The following VPS13B variants were observed in gnomAD, a reference collection of about 807,000 sequenced individuals.
VPS13B encodes the protein vacuolar protein sorting 13 homolog B.
A neutral mutation model predicts 426.4 loss-of-function variants in VPS13B; 285 were observed. That is an observed-to-expected ratio of 0.67 (90% CI 0.61 to 0.74). The LOEUF (loss-of-function observed/expected upper bound fraction) is 0.74, where lower values mean the gene tolerates loss of function less well. Among genes scored for constraint, VPS13B ranks in the 30% least tolerant of loss-of-function variants. The pLI, the probability that VPS13B is intolerant of heterozygous loss-of-function variation, is 0.00. For synonymous variants in VPS13B, 1,676 were observed against 1,676.4 expected (o/e 1.00, Z 0.01); for missense variants, 4,537 against 4,782.6 (o/e 0.95, Z 1.51).
At chr8:99,208,829 A>G (rs1482540438) in intron 17 of VPS13B, among the ~76,000 whole-genome samples, 1 of 152,226 alleles carries the variant, frequency 6.6e-6, no homozygotes, top group Non-Finnish European at 1.5e-5. Context: ...CCATATTTTC[A>G]TTAATCTCTT....
intron 39 of VPS13B, among the ~76,000 whole-genome samples, chr8:99,734,692 C>T (rs1244586897): frequency 6.6e-6 from 1 of 152,114 alleles, no homozygotes; most frequent in Non-Finnish European, 1.5e-5. Context: ...AAGGATGAAT[C>T]AGGACATACT....
In VPS13B at chr8:99,058,987, A is replaced by G. The variant is rs533039317; in HGVS notation, c.291+20421A>G. ...ATAGTACATTGTGTGTAAACCACAT[A>G]GAAAATTACCATTTTAGTACTTATT... On this transcript the variant is annotated intron_variant, in intron 3 of 61. Transcript: ENST00000357162. Among the ~76,000 whole-genome samples, 9 of 152,376 alleles carry G rather than the reference A, an allele frequency of 5.9e-5. No individual in the cohort carries two copies. The South Asian group carries it at 1.7e-3, about 28-fold the overall frequency.
chr8:99,538,727 TAAAG>T (rs996624242), intron 30 of VPS13B, among the ~76,000 whole-genome samples: 3 of 152,232 alleles, frequency 2.0e-5, no homozygotes, highest in Non-Finnish European at 1.5e-5. Flanking sequence ...CCTCCATGCA[TAAAG>T]AATCAATTTT....
chr8:99,307,134 C>T (rs1353165378), intron 19 of VPS13B, among the ~76,000 whole-genome samples: 7 of 151,968 alleles, frequency 4.6e-5, no homozygotes, highest in Admixed American at 3.9e-4. Context: ...CAAAATTCAC[C>T]TGTTGTTTTA....
intron 30 of VPS13B, among the ~76,000 whole-genome samples, chr8:99,544,749 G>A (rs1191562921): frequency 6.6e-6 from 1 of 152,066 alleles, no homozygotes; most frequent in East Asian, 1.9e-4. Context: ...TACACAAGAG[G>A]TTTATATCAA....
chr8:99,681,075 T>C (rs1397328198), intron 35 of VPS13B, among the ~76,000 whole-genome samples: 2 of 152,228 alleles, frequency 1.3e-5, no homozygotes, highest in East Asian at 1.9e-4. Context: ...ATTATCAGAC[T>C]GAAAATATTT....
At chr8:99,790,411 T>C (rs1331359801) in intron 43 of VPS13B, among the ~76,000 whole-genome samples, 1 of 152,208 alleles carries the variant, frequency 6.6e-6, no homozygotes, top group Non-Finnish European at 1.5e-5. Flanking sequence ...TATATTTTCA[T>C]GTATTACTTA....
chr8:99,090,490 G>A (rs1389292935), intron 3 of VPS13B, among the ~76,000 whole-genome samples: 4 of 152,000 alleles, frequency 2.6e-5, no homozygotes, highest in South Asian at 2.1e-4. Flanking sequence ...CACTGGTCTC[G>A]AACTCCTAAC....
chr8:99,026,972 G>A (rs1842172921), intron 2 of VPS13B, among the ~76,000 whole-genome samples: 1 of 152,020 alleles, frequency 6.6e-6, no homozygotes, highest in Non-Finnish European at 1.5e-5. Flanking sequence ...TGCCTCCCAG[G>A]TTCAAGTGAT....
In VPS13B at chr8:99,859,377, C is replaced by T. The variant is rs781760595; in HGVS notation, c.10941C>T (p.Ala3647=). 1.8e-5 allele frequency: 29 copies of T among 1,614,136 alleles called. No individual in the cohort carries two copies. Among genetic ancestry groups the T allele is most frequent in the East Asian group, 6.7e-5 (3 of 44,870 alleles). Residue 3647 remains alanine, a synonymous_variant, in exon 57 of 62, where the codon GCC becomes GCT. Transcript: ENST00000357162. The part of the protein sequence containing the change: ...SLVRSIGNGV[A]DFFRLPYEGL... ...TGAGAAGCATCGGGAACGGGGTCGCCGACTTCTTCAGGCTTCCGTATGAGG... is the reference window on the plus strand; with the variant it reads ...TGAGAAGCATCGGGAACGGGGTCGCTGACTTCTTCAGGCTTCCGTATGAGG...
intron 17 of VPS13B, among the ~76,000 whole-genome samples, chr8:99,213,498 A>G (rs928112920): frequency 3.9e-5 from 6 of 152,048 alleles, no homozygotes; most frequent in African/African-American, 1.4e-4. Flanking sequence ...TGCTTTTTAG[A>G]TCCTTTTATA....
intron 17 of VPS13B, chr8:99,240,899 CTTTATGTG>C (rs1816898340): frequency 6.6e-6 from 1 of 152,648 alleles, no homozygotes; most frequent in Admixed American, 6.5e-5. Context: ...TGAGGTCTCC[CTTTATGTG>C]TTTGATGGAA....
intron 36 of VPS13B, among the ~76,000 whole-genome samples, chr8:99,713,723 CCA>C (rs1219673367): frequency 1.3e-5 from 2 of 152,140 alleles, no homozygotes; most frequent in Non-Finnish European, 2.9e-5. Context: ...TTTCTAGATA[CCA>C]TTCTTCAACA....
intron 39 of VPS13B, among the ~76,000 whole-genome samples, chr8:99,746,750 A>G (rs1048859154): frequency 6.6e-6 from 1 of 152,122 alleles, no homozygotes; most frequent in Non-Finnish European, 1.5e-5. Flanking sequence ...AAGTGAGTAA[A>G]CTAGATTAAA....
At chr8:99,583,284 GTTC>G (rs1322154502) in intron 33 of VPS13B, among the ~76,000 whole-genome samples, 2 of 151,970 alleles carry the variant, frequency 1.3e-5, no homozygotes, top group Non-Finnish European at 2.9e-5. Flanking sequence ...AAAATAATGT[GTTC>G]TTCTATTAAT....
At chr8:99,540,646 A>G (rs1052820825) in intron 30 of VPS13B, among the ~76,000 whole-genome samples, 2 of 152,174 alleles carry the variant, frequency 1.3e-5, no homozygotes, top group African/African-American at 4.8e-5. Context: ...ACTTTTGACC[A>G]TGTCATTTTT....
At chr8:99,028,268 C>T (rs1465838191) in intron 2 of VPS13B, among the ~76,000 whole-genome samples, 1 of 151,756 alleles carries the variant, frequency 6.6e-6, no homozygotes, top group African/African-American at 2.4e-5. Flanking sequence ...AGAGGGGCTC[C>T]TCACTTCCCA....
rs144257406 is a variant in VPS13B, at chr8:99,642,091, C to G, written c.5501C>G (p.Ser1834Trp). The G allele has an allele frequency of 6.2e-7, 1 of 1,613,926 alleles. No individual in the cohort carries two copies. Among genetic ancestry groups the G allele is most frequent in the African/African-American group, 1.3e-5 (1 of 74,912 alleles). The stretch of plus-strand genomic sequence containing the variant: ...TATTCCTGTATGGCCTTATCCAAAT[C>G]GAAATCACAAGAACAGAAGAATAAT... Reference protein sequence around the residue: ...MTYSCMALSKSKSQEQKNNEK... With the variant: ...MTYSCMALSKWKSQEQKNNEK... Residue 1834 changes from serine (S) to tryptophan (W), a missense_variant, in exon 34 of 62, where the codon TCG becomes TGG. Transcript: ENST00000357162.
At chr8:99,377,487 T>TTCAA (rs906688287) in intron 19 of VPS13B, among the ~76,000 whole-genome samples, 2 of 152,274 alleles carry the variant, frequency 1.3e-5, no homozygotes, top group African/African-American at 4.8e-5. Flanking sequence ...AGTTTTGTAC[T>TTCAA]TCAACAATTT....
Sources: gnomAD v4.1 joint callset for allele counts (sites outside exome capture counted in the v4.1 genomes callset) on GRCh38, gnomAD v4.1.1 for gene constraint, MANE v1.5 for transcripts, NCBI Gene and HGNC (gene_info 2026-07-23, HGNC 2026-07-21) for gene names.